NPAS2: variants seen among roughly 807,000 people sequenced by gnomAD.
NPAS2 encodes the protein neuronal PAS domain-containing protein 2.
Under a neutral mutation model 107.5 loss-of-function variants are expected in NPAS2, and 23 were observed. That is an observed-to-expected ratio of 0.21 (90% CI 0.15 to 0.30). The LOEUF is 0.30. NPAS2 is among the 10% of genes least tolerant of loss of function. The pLI, the probability that NPAS2 is intolerant of heterozygous loss-of-function variation, is 1.00. For synonymous variants in NPAS2, 403 were observed against 417.5 expected, an observed-to-expected ratio of 0.97 and a Z score of 0.42; for missense variants, 756 against 1,043.3, an observed-to-expected ratio of 0.72 and a Z score of 3.79.
chr2:100,926,176 T>G (rs1683548588), intron 3 of NPAS2, among the ~76,000 whole-genome samples: 1 of 152,144 alleles, frequency 6.6e-6, no homozygotes, highest in African/African-American at 2.4e-5. Context: ...TAACCATTCA[T>G]CAGTTGATGG....
At chr2:100,859,134 T>C (rs759998017) in intron 1 of NPAS2, among the ~76,000 whole-genome samples, 10 of 152,258 alleles carry the variant, frequency 6.6e-5, no homozygotes, top group Middle Eastern at 3.4e-3. Flanking sequence ...CATGGTAACA[T>C]GCGCCTGTGA....
intron 1 of NPAS2, among the ~76,000 whole-genome samples, chr2:100,886,934 A>G (rs1680734773): frequency 6.6e-6 from 1 of 152,232 alleles, no homozygotes; most frequent in African/African-American, 2.4e-5. Flanking sequence ...TTTAGATTTG[A>G]ATGTTTCTAA....
At chr2:100,862,085 G>GAAAAAAATATTTTA (rs1450562303) in intron 1 of NPAS2, among the ~76,000 whole-genome samples, 3 of 152,182 alleles carry the variant, frequency 2.0e-5, no homozygotes, top group Non-Finnish European at 4.4e-5. Flanking sequence ...AAAATAGATT[G>GAAAAAAATATTTTA]TGGATAAAGA....
At chr2:100,844,075 C>A (rs1263643067) in intron 1 of NPAS2, among the ~76,000 whole-genome samples, 2 of 152,206 alleles carry the variant, frequency 1.3e-5, no homozygotes, top group Admixed American at 1.3e-4. Context: ...AGGGCCGTGT[C>A]AGCTCTCACT....
At chr2:100,898,063 A>G (rs1681527044) in intron 1 of NPAS2, among the ~76,000 whole-genome samples, 1 of 152,222 alleles carries the variant, frequency 6.6e-6, no homozygotes, top group Middle Eastern at 3.4e-3. Context: ...TTCATTCTCA[A>G]TCAAAATCGC....
At chr2:100,960,965 T>C (rs1281229955) in intron 7 of NPAS2, among the ~76,000 whole-genome samples, 2 of 152,044 alleles carry the variant, frequency 1.3e-5, no homozygotes. Flanking sequence ...TCGGCAAGAG[T>C]AAGGTCAATT....
intron 1 of NPAS2, among the ~76,000 whole-genome samples, chr2:100,835,644 A>G (rs1035368678): frequency 3.3e-5 from 5 of 152,198 alleles, no homozygotes; most frequent in East Asian, 1.9e-4. Context: ...CAGGACACTC[A>G]TTATGTCTCT....
chr2:100,990,066 T>C (rs1234904111), intron 17 of NPAS2, 190 bp from the exon 18 acceptor site: 3 of 636,694 alleles, frequency 4.7e-6, no homozygotes, highest in African/African-American at 1.8e-5. Context: ...GGCACTGTCC[T>C]AGGCCCAAGG....
In NPAS2 at chr2:100,820,186, C is replaced by G. The variant is rs1448373677; in HGVS notation, c.-251C>G. 1 of 150,134 alleles carries G rather than the reference C, an allele frequency of 6.7e-6. No homozygotes were observed. The highest frequency in any genetic ancestry group is 2.4e-5 in the African/African-American group (1 of 41,076). The allele number at this position is 150,134 out of a possible 1,614,324, so 9.3% of individuals were successfully genotyped here. On this transcript the variant is annotated 5_prime_UTR_variant, in exon 1 of 21. Transcript: ENST00000335681. This position sits in a 1 kb window ranked among gnomAD's most constrained non-coding sequence, Gnocchi z 5.6. ...CGAGCAGCCGGCCTCTCGCAGGAGCCGAGGGACCCGCGCGGCTGCGGCCCA... is the reference window on the plus strand; with the variant it reads ...CGAGCAGCCGGCCTCTCGCAGGAGCGGAGGGACCCGCGCGGCTGCGGCCCA...
chr2:100,979,634 C>T (rs1677311439), intron 15 of NPAS2, among the ~76,000 whole-genome samples: 1 of 151,366 alleles, frequency 6.6e-6, no homozygotes, highest in Middle Eastern at 3.4e-3. Context: ...CTGCCTCAGC[C>T]TCCCAAGTAG....
At chr2:100,901,618 G>A in intron 1 of NPAS2, 1 of 903,676 alleles carries the variant, frequency 1.1e-6, no homozygotes, top group Non-Finnish European at 1.3e-6. Context: ...TGGAGAATGA[G>A]AGTGTTTATT....
intron 1 of NPAS2, among the ~76,000 whole-genome samples, chr2:100,842,984 T>G (rs1276320336): frequency 6.6e-5 from 10 of 151,454 alleles, no homozygotes; most frequent in Admixed American, 5.9e-4. Context: ...ACTTTGGGAG[T>G]CTGAGGCAGG....
intron 1 of NPAS2, among the ~76,000 whole-genome samples, chr2:100,903,984 G>T (rs991171582): frequency 6.6e-6 from 1 of 152,150 alleles, no homozygotes; most frequent in Non-Finnish European, 1.5e-5. Context: ...AGAGGCTCCG[G>T]TGTTGAGGAA....
rs535889571 is a variant in NPAS2 at position 100,860,129 on chromosome 2, G to A, written c.-23+39715G>A. 1.2e-4 allele frequency among the ~76,000 whole-genome samples: 18 copies of A among 152,256 alleles called. 1 individual carries two copies. The South Asian group carries it at 1.5e-3, about 12-fold the overall frequency. The stretch of plus-strand genomic sequence containing the variant: ...AATACAGGATCACACGTTGCATTTC[G>A]TTGTCTTCTGGTGTTTAGTTTCTTC... On this transcript the variant is annotated intron_variant, in intron 1 of 20. Transcript: ENST00000335681.
chr2:100,939,576 AGGAGCT>A (rs1469549947), intron 5 of NPAS2, among the ~76,000 whole-genome samples: 2 of 152,140 alleles, frequency 1.3e-5, no homozygotes, highest in African/African-American at 4.8e-5. Context: ...AGGACAGAAG[AGGAGCT>A]GGGGTATTCT....
chr2:100,865,032 C>A (rs748854066), intron 1 of NPAS2, among the ~76,000 whole-genome samples: 12 of 152,140 alleles, frequency 7.9e-5, no homozygotes, highest in Non-Finnish European at 1.5e-4. Context: ...ATATCACGTG[C>A]CAGTGTCCTC....
Position 100,848,076 on chromosome 2 carries a change from C to T in NPAS2, c.-23+27662C>T, listed in dbSNP as rs10196611. 8.4e-3 allele frequency among the ~76,000 whole-genome samples: 1,274 copies of T among 152,332 alleles called. 15 individuals are homozygous for T. Among genetic ancestry groups the T allele is most frequent in the African/African-American group, 0.029 (1,223 of 41,572 alleles). ...GGTATCATTTAGAAGTGGATGTTTTCAAGGGCTTTCCCCTTAAAGGAGGAA... is the reference window on the plus strand; with the variant it reads ...GGTATCATTTAGAAGTGGATGTTTTTAAGGGCTTTCCCCTTAAAGGAGGAA... On this transcript the variant is annotated intron_variant, in intron 1 of 20. Transcript: ENST00000335681.
At chr2:100,866,549 G>A (rs1679267979) in intron 1 of NPAS2, among the ~76,000 whole-genome samples, 1 of 152,158 alleles carries the variant, frequency 6.6e-6, no homozygotes, top group African/African-American at 2.4e-5. Context: ...GAACCTAAAT[G>A]TGGGATGATT....
chr2:100,996,202 T>A lies in NPAS2; in HGVS notation c.*620T>A, dbSNP rs983808537. 3 of 214,192 alleles carry A rather than the reference T, an allele frequency of 1.4e-5. No individual in the cohort carries two copies. The highest frequency in any genetic ancestry group is 7.0e-5 in the African/African-American group (3 of 43,060). 13.3% of individuals were successfully genotyped at this position (214,192 alleles called of 1,614,324 possible). A position where few individuals can be genotyped will look rare whatever the true frequency, so the allele number is the denominator to read the frequency against. On this transcript the variant is annotated 3_prime_UTR_variant, in exon 21 of 21. Transcript: ENST00000335681. ...CCCACCAATCAGAGAAGCTGGTTGT[T>A]ATTAACCAAGCTACAGATTCACACT...
Sources: gnomAD v4.1 joint callset for allele counts (sites outside exome capture counted in the v4.1 genomes callset) on GRCh38, gnomAD v4.1.1 for gene constraint, Gnocchi (gnomAD v3.1) non-coding constraint, MANE v1.5 for transcripts, NCBI Gene and HGNC (gene_info 2026-07-23, HGNC 2026-07-21) for gene names.